The following CMIP variants were observed in gnomAD, a reference collection of about 807,000 sequenced individuals.
The protein encoded by CMIP is C-Maf-inducing protein.
CMIP carries 13 observed loss-of-function variants against 97.3 expected under a neutral mutation model. That is an observed-to-expected ratio of 0.13 (90% CI 0.09 to 0.21). The LOEUF is 0.21. Among genes scored for constraint, CMIP ranks in the 10% least tolerant of loss-of-function variants. The pLI is 1.00. For missense variants in CMIP, 847 were observed against 1,024.9 expected (o/e 0.83, Z 2.37); for synonymous variants, 538 against 436.3 (o/e 1.23, Z -2.91).
At chr16:81,469,674 G>GTTC (rs1907408486) in intron 1 of CMIP, among the ~76,000 whole-genome samples, 1 of 152,212 alleles carries the variant, frequency 6.6e-6, no homozygotes, top group Non-Finnish European at 1.5e-5. Flanking sequence ...TGGATTCACA[G>GTTC]TTCTTCAGAG....
intron 3 of CMIP, among the ~76,000 whole-genome samples, chr16:81,629,153 A>AAAAAAG (rs2092118137): frequency 6.8e-6 from 1 of 148,022 alleles, no homozygotes; most frequent in South Asian, 2.1e-4. Context: ...AAAAAAAAAA[A>AAAAAAG]AAAAAAAAAA....
At chr16:81,665,018 T>C (rs1162355293) in intron 7 of CMIP, 2 of 152,474 alleles carry the variant, frequency 1.3e-5, no homozygotes, top group South Asian at 2.1e-4. Flanking sequence ...TAAGAAACTG[T>C]CACAGCTCAG....
chr16:81,582,421 A>G (rs1252378413), intron 1 of CMIP, among the ~76,000 whole-genome samples: 1 of 152,092 alleles, frequency 6.6e-6, no homozygotes, highest in African/African-American at 2.4e-5. Flanking sequence ...ATGTGTGGGG[A>G]CTGGGAAGGG....
At chr16:81,705,639 C>A in intron 19 of CMIP, 35 bp downstream of exon 19, 1 of 1,371,988 alleles carries the variant, frequency 7.3e-7, no homozygotes, top group Non-Finnish European at 1.0e-6. Context: ...GGGTGAGGGG[C>A]CGCTTGATTC....
chr16:81,631,899 A>C (rs1203120584), intron 3 of CMIP: 2 of 152,266 alleles, frequency 1.3e-5, no homozygotes, highest in Non-Finnish European at 2.9e-5. Context: ...GTATACTTGC[A>C]CCAGCAGTGT....
intron 1 of CMIP, among the ~76,000 whole-genome samples, chr16:81,582,252 G>A (rs1175761690): frequency 2.6e-5 from 4 of 152,146 alleles, no homozygotes; most frequent in African/African-American, 7.2e-5. Context: ...CCCAAACCAT[G>A]TCAAGCCTCT....
chr16:81,617,761 A>G (rs1399574640), intron 2 of CMIP, among the ~76,000 whole-genome samples: 2 of 152,348 alleles, frequency 1.3e-5, no homozygotes, highest in East Asian at 1.9e-4. Context: ...CCTGCCCTCA[A>G]GGAACTCCTA....
chr16:81,659,316 A>T (rs894843963), intron 5 of CMIP, among the ~76,000 whole-genome samples: 2 of 151,976 alleles, frequency 1.3e-5, no homozygotes, highest in Non-Finnish European at 2.9e-5. Context: ...AGATCAACAG[A>T]TAATACAAAA....
chr16:81,465,256 T>C (rs1907132265), intron 1 of CMIP, among the ~76,000 whole-genome samples: 1 of 152,222 alleles, frequency 6.6e-6, no homozygotes, highest in Non-Finnish European at 1.5e-5. Flanking sequence ...TGCCGTTTTT[T>C]CCATCCATAC....
intron 3 of CMIP, among the ~76,000 whole-genome samples, chr16:81,644,107 A>G (rs1167425274): frequency 1.3e-5 from 2 of 152,352 alleles, no homozygotes; most frequent in East Asian, 1.9e-4. Flanking sequence ...CGAACGAAAC[A>G]TGCATTTACA....
At chr16:81,534,396 T>A (rs893354744) in intron 1 of CMIP, among the ~76,000 whole-genome samples, 1 of 152,238 alleles carries the variant, frequency 6.6e-6, no homozygotes, top group Non-Finnish European at 1.5e-5. Context: ...AAAAAAAGAT[T>A]GTAAGGGTTT....
intron 1 of CMIP, among the ~76,000 whole-genome samples, chr16:81,505,176 G>A (rs750567934): frequency 7.2e-5 from 11 of 152,228 alleles, no homozygotes; most frequent in Non-Finnish European, 5.9e-5. Flanking sequence ...CAGGACGGGG[G>A]TGTGGCCACT....
chr16:81,548,891 A>G (rs1412405354), intron 1 of CMIP, among the ~76,000 whole-genome samples: 2 of 152,174 alleles, frequency 1.3e-5, no homozygotes, highest in Admixed American at 6.5e-5. Context: ...GGACATTGCC[A>G]AATGCCCCCC....
intron 1 of CMIP, among the ~76,000 whole-genome samples, chr16:81,457,809 T>A (rs568306581): frequency 6.6e-6 from 1 of 152,266 alleles, no homozygotes; most frequent in African/African-American, 2.4e-5. Context: ...TGTGGGGGCC[T>A]TAGGAGCCCT....
intron 1 of CMIP, among the ~76,000 whole-genome samples, chr16:81,529,712 C>T (rs935677427): frequency 1.3e-5 from 2 of 152,064 alleles, no homozygotes; most frequent in Admixed American, 6.5e-5. Context: ...AGGAGATGTG[C>T]GGAGGCAGAG....
At chr16:81,486,551 A>G (rs1339448982) in intron 1 of CMIP, among the ~76,000 whole-genome samples, 1 of 152,110 alleles carries the variant, frequency 6.6e-6, no homozygotes, top group African/African-American at 2.4e-5. Flanking sequence ...GAGTGCACAC[A>G]GTGACTCTCC....
Position 81,495,490 on chromosome 16 carries a change from C to T in CMIP, c.300+49949C>T, listed in dbSNP as rs368744023. On this transcript the variant is annotated intron_variant, in intron 1 of 20. Transcript: ENST00000537098. The stretch of plus-strand genomic sequence containing the variant: ...GTCCGGGGAAGGATGGGACAGGCTG[C>T]TGAGGTACAGTCCCATGTGGGGAAC... The T allele has an allele frequency of 5.6e-6, 9 of 1,613,116 alleles. No individual in the cohort carries two copies. The African/African-American group carries it at 9.3e-5, about 17-fold the overall frequency.
At chr16:81,570,231 G>A (rs191964149) in intron 1 of CMIP, among the ~76,000 whole-genome samples, 2 of 152,294 alleles carry the variant, frequency 1.3e-5, no homozygotes, top group East Asian at 3.9e-4. Flanking sequence ...TAGCCACAGA[G>A]GGGGTGGAGA....
intron 1 of CMIP, among the ~76,000 whole-genome samples, chr16:81,585,689 C>T (rs1225836613): frequency 7.9e-6 from 1 of 126,226 alleles, no homozygotes; most frequent in Non-Finnish European, 1.8e-5. Flanking sequence ...ACCTTTTGGC[C>T]AGTCCACTTC....
Sources: allele counts gnomAD v4.1 joint callset (sites outside exome capture counted in the v4.1 genomes callset), GRCh38; gene constraint gnomAD v4.1.1; transcripts MANE v1.5; gene names NCBI Gene and HGNC (gene_info 2026-07-23, HGNC 2026-07-21).